ROBO1: variants seen among roughly 807,000 people sequenced by gnomAD.
ROBO1 encodes roundabout guidance receptor 1.
A neutral mutation model predicts 195.9 loss-of-function variants in ROBO1; 149 were observed. The ratio of observed to expected loss-of-function variants is 0.76; its 90% CI spans 0.67 to 0.87. The LOEUF (loss-of-function observed/expected upper bound fraction) is 0.87. Among genes scored for constraint, ROBO1 ranks in the 40% least tolerant of loss-of-function variants. ROBO1 has a pLI of 0.00. For missense variants in ROBO1, 1,933 were observed against 2,068.3 expected (o/e 0.93, Z 1.27); for synonymous variants, 816 against 733.2 (o/e 1.11, Z -1.82).
At chr3:79,191,715 G>A (rs2081543493) in intron 2 of ROBO1, among the ~76,000 whole-genome samples, 1 of 151,282 alleles carries the variant, frequency 6.6e-6, no homozygotes, top group African/African-American at 2.4e-5. Flanking sequence ...TCTGATTAAT[G>A]GGAGCAGTTA....
At chr3:79,415,198 C>A (rs2037948866) in intron 2 of ROBO1, among the ~76,000 whole-genome samples, 1 of 152,106 alleles carries the variant, frequency 6.6e-6, no homozygotes, top group Admixed American at 6.6e-5. Context: ...CATCTTTACA[C>A]CGTATTTTGT....
chr3:78,938,365 T>G, intron 4 of ROBO1: 2 of 443,708 alleles, frequency 4.5e-6, no homozygotes, highest in East Asian at 3.8e-5. Context: ...AGAAAATCAC[T>G]CCCAATCAAA....
chr3:79,321,469 G>A (rs2033978205), intron 2 of ROBO1, among the ~76,000 whole-genome samples: 1 of 152,070 alleles, frequency 6.6e-6, no homozygotes, highest in South Asian at 2.1e-4. Context: ...GTTTAGATGT[G>A]CAATAGGATA....
chr3:79,421,201 G>A (rs1224144022), intron 2 of ROBO1, among the ~76,000 whole-genome samples: 1 of 152,006 alleles, frequency 6.6e-6, no homozygotes, highest in Non-Finnish European at 1.5e-5. Flanking sequence ...GAAGGGAACA[G>A]TAAACACTGG....
At chr3:79,443,541 T>C (rs1412138070) in intron 2 of ROBO1, among the ~76,000 whole-genome samples, 2 of 152,134 alleles carry the variant, frequency 1.3e-5, no homozygotes. Flanking sequence ...AGAAATATAT[T>C]AAATAATACC....
chr3:78,880,612 A>C (rs1306780296), intron 4 of ROBO1, among the ~76,000 whole-genome samples: 2 of 152,204 alleles, frequency 1.3e-5, no homozygotes, highest in Non-Finnish European at 2.9e-5. Context: ...ATAAAATGCA[A>C]AATGTCAAGA....
chr3:79,724,750 A>G (rs1270666260), intron 1 of ROBO1, among the ~76,000 whole-genome samples: 1 of 152,216 alleles, frequency 6.6e-6, no homozygotes, highest in African/African-American at 2.4e-5. Context: ...ATCATGCCTG[A>G]ATTCCTGACT....
intron 2 of ROBO1, among the ~76,000 whole-genome samples, chr3:79,413,789 G>A (rs2037880375): frequency 6.6e-6 from 1 of 151,944 alleles, no homozygotes; most frequent in East Asian, 1.9e-4. Context: ...GAACTTAGTG[G>A]GAGAGACATG....
At chr3:78,628,897 A>C (rs1180377620) in intron 25 of ROBO1, among the ~76,000 whole-genome samples, 1 of 152,192 alleles carries the variant, frequency 6.6e-6, no homozygotes, top group Admixed American at 6.5e-5. Context: ...CTACTGCAAC[A>C]ATCTTTTAAT....
At chr3:79,727,932 T>G (rs1199514581) in intron 1 of ROBO1, among the ~76,000 whole-genome samples, 2 of 152,138 alleles carry the variant, frequency 1.3e-5, no homozygotes, top group Non-Finnish European at 2.9e-5. Flanking sequence ...GTCCCATGTA[T>G]AGCAACCTGC....
rs377216842 is a variant in ROBO1, at chr3:79,283,237, A to C, written c.89-157698T>G. Among the ~76,000 whole-genome samples, 219 of 152,318 alleles carry C rather than the reference A, an allele frequency of 1.4e-3. 1 individual carries two copies. The highest frequency in any genetic ancestry group is 5.0e-3 in the African/African-American group (209 of 41,578). ...CTACCAGCTGGGAGAGGGATGGAGG[A>C]GGGCATAGGCTGAAAAACTACCTAT... On this transcript the variant is annotated intron_variant, in intron 2 of 30. Transcript: ENST00000464233.
At chr3:78,636,935 TTATATATATATATATA>T (rs55894934) in intron 22 of ROBO1, among the ~76,000 whole-genome samples, 12,830 of 96,728 alleles carry the variant, frequency 0.13, 915 homozygotes, top group African/African-American at 0.17. Context: ...TACATTCATT[TTATATATATATATATA>T]TATATATATA....
At chr3:78,842,295 G>A (rs1301172146) in intron 4 of ROBO1, among the ~76,000 whole-genome samples, 1 of 127,802 alleles carries the variant, frequency 7.8e-6, no homozygotes, top group African/African-American at 3.0e-5. Flanking sequence ...ATATATATGA[G>A]CCATATATAT....
chr3:78,991,908 T>C (rs1366217091), intron 3 of ROBO1, among the ~76,000 whole-genome samples: 1 of 151,560 alleles, frequency 6.6e-6, no homozygotes, highest in Non-Finnish European at 1.5e-5. Flanking sequence ...GACAATAAAC[T>C]CTGAAATATT....
At chr3:78,890,711 C>T (rs544718126) in intron 4 of ROBO1, among the ~76,000 whole-genome samples, 1 of 152,120 alleles carries the variant, frequency 6.6e-6, no homozygotes, top group East Asian at 1.9e-4. Context: ...TGGTTATGTT[C>T]CTGTGCAATC....
At chr3:79,750,081 C>A (rs746895343) in intron 1 of ROBO1, among the ~76,000 whole-genome samples, 22 of 152,170 alleles carry the variant, frequency 1.4e-4, no homozygotes, top group Non-Finnish European at 7.3e-5. Context: ...TGGAGCTGCC[C>A]AAGACCATGG....
chr3:78,916,852 G>A (rs1465267341), intron 4 of ROBO1, among the ~76,000 whole-genome samples: 1 of 152,120 alleles, frequency 6.6e-6, no homozygotes, highest in African/African-American at 2.4e-5. Context: ...GAAAACAAAA[G>A]AAGCCCATAT....
intron 2 of ROBO1, among the ~76,000 whole-genome samples, chr3:79,459,541 T>C (rs2039730955): frequency 6.6e-6 from 1 of 152,016 alleles, no homozygotes; most frequent in African/African-American, 2.4e-5. Flanking sequence ...TTTTCCCCAA[T>C]GACTTATTAA....
At chr3:79,755,692 G>T (rs7618457) in intron 1 of ROBO1, among the ~76,000 whole-genome samples, 5,591 of 152,228 alleles carry the variant, frequency 0.037, 353 homozygotes, top group African/African-American at 0.13. Flanking sequence ...ATGTGACTGT[G>T]GCTTATTTCC....
Sources: gnomAD v4.1 joint callset for allele counts (sites outside exome capture counted in the v4.1 genomes callset) on GRCh38, gnomAD v4.1.1 for gene constraint, MANE v1.5 for transcripts, NCBI Gene and HGNC (gene_info 2026-07-23, HGNC 2026-07-21) for gene names.